Variants in PIK3C2B observed in about 807,000 individuals in gnomAD.
PIK3C2B encodes the protein phosphatidylinositol-4-phosphate 3-kinase catalytic subunit type 2 beta.
Under a neutral mutation model 184.3 loss-of-function variants are expected in PIK3C2B, and 83 were observed. That is an observed-to-expected ratio of 0.45 (90% CI 0.38 to 0.54). The LOEUF is 0.54. Among genes scored for constraint, PIK3C2B ranks in the 20% least tolerant of loss-of-function variants. The probability of loss-of-function intolerance (pLI) is 0.00; values close to 1 mark genes in which losing one functional copy is unlikely to be tolerated. For missense variants in PIK3C2B, 1,736 were observed against 2,113.5 expected (o/e 0.82, Z 3.50); for synonymous variants, 779 against 837.6 (o/e 0.93, Z 1.21).
chr1:204,446,402 G>A (rs1315348512), intron 15 of PIK3C2B, among the ~76,000 whole-genome samples: 1 of 152,226 alleles, frequency 6.6e-6, no homozygotes, highest in East Asian at 1.9e-4. Flanking sequence ...CAGATCACCA[G>A]GTGATTCCAA....
rs745658219 is a variant in PIK3C2B at position 204,446,071 on chromosome 1, G to C, written c.2563C>G (p.Leu855Val). 2.5e-6 allele frequency: 4 copies of C among 1,599,878 alleles called. No homozygotes were observed. In the Admixed American group the frequency reaches 5.1e-5, roughly 20 times the overall value. ...YCHSEVSSLP[L>V]VLASAPSWEW... ...CAGCTGGGGGCGCTGGCGAGCACCA[G>C]GGGGAGCGAGCTCACCTCCGAGTGG... Residue 855 changes from leucine (L) to valine (V), a missense_variant, in exon 16 of 33, where the codon CTG (leucine) becomes GTG (valine). Leu to Val is a conservative substitution (Grantham distance 32, BLOSUM62 1). Around this residue, in one of 8 missense-constraint regions of PIK3C2B, gnomAD observed 609 missense variants for 699.2 expected, o/e 0.87. Transcript: ENST00000684373.
intron 18 of PIK3C2B, among the ~76,000 whole-genome samples, 184 bp downstream of exon 18, chr1:204,443,884 C>T (rs1012795544): frequency 3.3e-5 from 5 of 152,148 alleles, no homozygotes; most frequent in Admixed American, 1.3e-4. Flanking sequence ...TAACATAATC[C>T]TCACTATGTT....
At chr1:204,457,680 C>T in intron 9 of PIK3C2B, 48 bp downstream of exon 9, 1 of 1,540,966 alleles carries the variant, frequency 6.5e-7, no homozygotes, top group Non-Finnish European at 8.7e-7. Flanking sequence ...AGTTACCTGA[C>T]AGTATCCCTC....
At chr1:204,475,106 G>A (rs1385602670) in intron 1 of PIK3C2B, among the ~76,000 whole-genome samples, 1 of 151,972 alleles carries the variant, frequency 6.6e-6, no homozygotes, top group Non-Finnish European at 1.5e-5. Flanking sequence ...ACTAACCTTG[G>A]CCTCTTCAAG....
chr1:204,428,860 A>G (rs1041749821), intron 29 of PIK3C2B: 2 of 453,084 alleles, frequency 4.4e-6, no homozygotes, highest in African/African-American at 4.0e-5. Context: ...GGTGATGGAT[A>G]TATAGGTGCT....
chr1:204,454,520 T>G, intron 12 of PIK3C2B, 149 bp downstream of exon 12: 1 of 595,370 alleles, frequency 1.7e-6, no homozygotes, highest in East Asian at 3.2e-5. Context: ...AAGTGGAGAC[T>G]CAAGAGGTTG....
intron 23 of PIK3C2B, among the ~76,000 whole-genome samples, chr1:204,438,328 A>G (rs1675465358): frequency 6.6e-6 from 1 of 152,180 alleles, no homozygotes; most frequent in Admixed American, 6.5e-5. Context: ...GGACCCTAGC[A>G]GGCTACCAGG....
chr1:204,425,543 T>C (rs1180536636), intron 32 of PIK3C2B, 70 bp downstream of exon 32: 2 of 1,526,124 alleles, frequency 1.3e-6, no homozygotes, highest in Non-Finnish European at 1.8e-6. Flanking sequence ...CGTTCTTCAA[T>C]ACGACTTTAT....
At chr1:204,471,916 A>T (rs532714901) in intron 1 of PIK3C2B, among the ~76,000 whole-genome samples, 1 of 152,334 alleles carries the variant, frequency 6.6e-6, no homozygotes, top group East Asian at 1.9e-4. Flanking sequence ...GCTTGCCAAC[A>T]GGTGAGACCC....
At chr1:204,486,207 C>T (rs1657572859) in intron 1 of PIK3C2B, among the ~76,000 whole-genome samples, 1 of 151,836 alleles carries the variant, frequency 6.6e-6, no homozygotes, top group Non-Finnish European at 1.5e-5. Flanking sequence ...ATCAGCCTGG[C>T]TAACATGGTG....
Position 204,449,307 on chromosome 1 carries a change from G to C in PIK3C2B, c.2235-11C>G. The C allele has an allele frequency of 6.3e-7, 1 of 1,590,896 alleles. No individual in the cohort carries two copies. Among genetic ancestry groups the C allele is most frequent in the South Asian group, 1.1e-5 (1 of 88,388 alleles). ...CCACAGGTCAGGACCCTAAGAAGGA[G>C]GGAGAGTGGGAAGAGCTGCTAAAGT... On this transcript the variant is annotated splice_polypyrimidine_tract_variant and intron_variant, in intron 13 of 32. Transcript: ENST00000684373.
intron 13 of PIK3C2B, 48 bp from the exon 14 acceptor site, chr1:204,449,344 G>T (rs760818501): frequency 7.2e-7 from 1 of 1,385,974 alleles, no homozygotes; most frequent in African/African-American, 1.4e-5. Flanking sequence ...GCTAAGCAGA[G>T]AATATTTCTA....
chr1:204,470,730 C>T (rs1379296102), intron 1 of PIK3C2B, among the ~76,000 whole-genome samples: 2 of 152,194 alleles, frequency 1.3e-5, no homozygotes, highest in African/African-American at 2.4e-5. Flanking sequence ...TGTAATATCC[C>T]AAAATGTCCA....
intron 5 of PIK3C2B, among the ~76,000 whole-genome samples, chr1:204,463,355 T>A (rs1006262048): frequency 1.4e-5 from 2 of 146,466 alleles, no homozygotes; most frequent in South Asian, 4.6e-4. Flanking sequence ...TGAGAAGTGA[T>A]AACCTTGCCC....
chr1:204,488,940 G>A (rs533093831), intron 1 of PIK3C2B, among the ~76,000 whole-genome samples: 1 of 152,276 alleles, frequency 6.6e-6, no homozygotes, highest in Admixed American at 6.5e-5. Flanking sequence ...AAACCCTTGT[G>A]ATCCTATTGT....
intron 5 of PIK3C2B, among the ~76,000 whole-genome samples, chr1:204,463,537 G>C (rs935101952): frequency 6.6e-6 from 1 of 152,124 alleles, no homozygotes; most frequent in Admixed American, 6.6e-5. Flanking sequence ...GGGCCAGCTG[G>C]GGAAAAGACT....
At chr1:204,479,588 G>A (rs1393173583) in intron 1 of PIK3C2B, among the ~76,000 whole-genome samples, 1 of 152,234 alleles carries the variant, frequency 6.6e-6, no homozygotes, top group African/African-American at 2.4e-5. Flanking sequence ...TCCTCTGAAA[G>A]AGGACACAGA....
intron 1 of PIK3C2B, among the ~76,000 whole-genome samples, chr1:204,479,965 G>T (rs1657000346): frequency 6.6e-6 from 1 of 152,252 alleles, no homozygotes; most frequent in South Asian, 2.1e-4. Context: ...TCAGAGAGAG[G>T]ACAGGAGAGG....
intron 9 of PIK3C2B, among the ~76,000 whole-genome samples, chr1:204,457,451 C>A (rs1654969261): frequency 6.6e-6 from 1 of 152,218 alleles, no homozygotes; most frequent in African/African-American, 2.4e-5. Context: ...TGCAGACTGT[C>A]AGGCAATGCC....
Sources: allele counts gnomAD v4.1 joint callset (sites outside exome capture counted in the v4.1 genomes callset), GRCh38; gene constraint gnomAD v4.1.1; regional missense constraint gnomAD v4.1.1; transcripts MANE v1.5; gene names NCBI Gene and HGNC (gene_info 2026-07-23, HGNC 2026-07-21).